The following LRRTM3 variants were observed in gnomAD, a reference collection of about 807,000 sequenced individuals.
LRRTM3 encodes leucine-rich repeat transmembrane neuronal protein 3.
In LRRTM3, 24 loss-of-function variants were observed where a neutral mutation model predicts 44.7. The ratio of observed to expected loss-of-function variants is 0.54; its 90% CI spans 0.39 to 0.76. The LOEUF is 0.76. Among genes scored for constraint, LRRTM3 ranks in the 30% least tolerant of loss-of-function variants. The probability of loss-of-function intolerance (pLI) is 0.00; values close to 1 mark genes in which losing one functional copy is unlikely to be tolerated. For synonymous variants in LRRTM3, 277 were observed against 278.7 expected, an observed-to-expected ratio of 0.99 and a Z score of 0.06; for missense variants, 587 against 702.2, an observed-to-expected ratio of 0.84 and a Z score of 1.85.
intron 2 of LRRTM3, 70 bp from the exon 3 acceptor site, chr10:67,097,517 G>A: frequency 7.2e-7 from 1 of 1,389,616 alleles, no homozygotes; most frequent in Non-Finnish European, 1.0e-6. Context: ...CAGCACTTCA[G>A]TCTCTAAATC....
rs1289496942 is a variant in LRRTM3, at chr10:67,063,027, AT to A, written c.1537-34557del. Reference sequence around the variant, plus strand: ...CTTTCCAGTGCTATGTAAGCACCTAATTTCCTAAAGTTAATTACTTCTGACT... The same window carrying A: ...CTTTCCAGTGCTATGTAAGCACCTAATTCCTAAAGTTAATTACTTCTGACT... On this transcript the variant is annotated intron_variant, in intron 2 of 2. Coordinates refer to ENST00000361320, the MANE Select transcript of LRRTM3 (RefSeq NM_178011.5). Among the ~76,000 whole-genome samples, 93 of 152,060 alleles carry A rather than the reference AT, an allele frequency of 6.1e-4. 2 individuals carry two copies. The highest frequency in any genetic ancestry group is 6.1e-3 in the Admixed American group (93 of 15,260).
chr10:66,987,869 G>A (rs10762123), intron 2 of LRRTM3, among the ~76,000 whole-genome samples: 9 of 151,898 alleles, frequency 5.9e-5, no homozygotes, highest in African/African-American at 2.2e-4. Context: ...AGTTTACAAT[G>A]AATTAAAGGA....
chr10:67,049,618 A>G (rs1007367063), intron 2 of LRRTM3, among the ~76,000 whole-genome samples: 7 of 152,160 alleles, frequency 4.6e-5, no homozygotes, highest in African/African-American at 1.7e-4. Context: ...AATAAACAAC[A>G]AAACTAAAAC....
intron 2 of LRRTM3, among the ~76,000 whole-genome samples, chr10:66,948,669 A>C (rs892365157): frequency 2.2e-4 from 34 of 152,214 alleles, no homozygotes; most frequent in African/African-American, 7.7e-4. Flanking sequence ...GGGGTGTTCT[A>C]TCCTGGACTG....
intron 2 of LRRTM3, among the ~76,000 whole-genome samples, chr10:66,976,147 T>C (rs1047201465): frequency 6.6e-6 from 1 of 152,160 alleles, no homozygotes; most frequent in Non-Finnish European, 1.5e-5. Context: ...GTAAAACATA[T>C]GTTCTTGTGA....
intron 2 of LRRTM3, among the ~76,000 whole-genome samples, chr10:67,064,717 G>A (rs1044755326): frequency 6.6e-6 from 1 of 152,106 alleles, no homozygotes; most frequent in Admixed American, 6.6e-5. Context: ...AACTGTGTGA[G>A]GTATTAATTG....
intron 2 of LRRTM3, among the ~76,000 whole-genome samples, chr10:67,011,180 T>C (rs1422985312): frequency 6.6e-6 from 1 of 151,534 alleles, no homozygotes. Context: ...ATACAAAAAA[T>C]AAATAAATAA....
Position 67,100,937 on chromosome 10 carries a change from A to G in LRRTM3, c.*3141A>G, listed in dbSNP as rs114069309. Among the ~76,000 whole-genome samples, 536 of 151,796 alleles carry G rather than the reference A, an allele frequency of 3.5e-3. 3 individuals carry two copies. The highest frequency in any genetic ancestry group is 0.012 in the African/African-American group (490 of 41,466). On this transcript the variant is annotated 3_prime_UTR_variant, in exon 3 of 3. Coordinates refer to ENST00000361320, the MANE Select transcript of LRRTM3 (RefSeq NM_178011.5). The stretch of plus-strand genomic sequence containing the variant: ...CTGATCAGAGCAAGAGAACTTCCAG[A>G]GATAATGGATAGAATGAAAGAATAT...
intron 2 of LRRTM3, among the ~76,000 whole-genome samples, chr10:66,946,235 A>G (rs1462745035): frequency 6.6e-6 from 1 of 152,052 alleles, no homozygotes; most frequent in Non-Finnish European, 1.5e-5. Context: ...ATAGAGAGGG[A>G]GAGAATTGGA....
At chr10:66,950,381 A>G (rs1848480546) in intron 2 of LRRTM3, among the ~76,000 whole-genome samples, 1 of 152,064 alleles carries the variant, frequency 6.6e-6, no homozygotes, top group Non-Finnish European at 1.5e-5. Context: ...TATCCTAAAC[A>G]TGCTTAAGGC....
At chr10:67,083,098 T>C (rs1345847638) in intron 2 of LRRTM3, among the ~76,000 whole-genome samples, 1 of 152,092 alleles carries the variant, frequency 6.6e-6, no homozygotes, top group East Asian at 1.9e-4. Context: ...AGCATCCTGG[T>C]ATAAAGACCT....
chr10:67,084,663 C>A (rs1857210655), intron 2 of LRRTM3, among the ~76,000 whole-genome samples: 2 of 151,824 alleles, frequency 1.3e-5, no homozygotes, highest in South Asian at 2.1e-4. Context: ...ACTTTGATAA[C>A]TTTTATAATG....
chr10:67,019,301 C>G (rs1320571510), intron 2 of LRRTM3, among the ~76,000 whole-genome samples: 2 of 152,198 alleles, frequency 1.3e-5, no homozygotes, highest in Admixed American at 1.3e-4. Context: ...TCACCACAAC[C>G]TCTGCCTTCC....
intron 2 of LRRTM3, among the ~76,000 whole-genome samples, chr10:67,014,844 A>T (rs1452971898): frequency 6.6e-6 from 1 of 152,140 alleles, no homozygotes; most frequent in Admixed American, 6.5e-5. Context: ...CAAGGTAGAA[A>T]AATGGTCAGA....
intron 2 of LRRTM3, among the ~76,000 whole-genome samples, chr10:66,955,140 G>T (rs1037967591): frequency 3.9e-5 from 6 of 152,054 alleles, no homozygotes; most frequent in Non-Finnish European, 8.8e-5. Flanking sequence ...TTTCCTAGGT[G>T]CCTTTGGTAT....
intron 2 of LRRTM3, among the ~76,000 whole-genome samples, chr10:66,937,963 C>T (rs975845306): frequency 1.3e-5 from 2 of 152,004 alleles, no homozygotes; most frequent in Non-Finnish European, 2.9e-5. Context: ...GTTTGTATCA[C>T]GATTTGAGGA....
chr10:66,997,209 T>C (rs1851403956), intron 2 of LRRTM3, among the ~76,000 whole-genome samples: 1 of 152,156 alleles, frequency 6.6e-6, no homozygotes, highest in African/African-American at 2.4e-5. Flanking sequence ...GAGGCCTAAT[T>C]TTCCATAGTT....
intron 2 of LRRTM3, among the ~76,000 whole-genome samples, chr10:66,992,637 G>A (rs1337557637): frequency 6.6e-6 from 1 of 151,376 alleles, no homozygotes; most frequent in Non-Finnish European, 1.5e-5. Flanking sequence ...TTTATCCCAG[G>A]GTTATAGAAC....
chr10:66,963,587 G>T (rs1490730549), intron 2 of LRRTM3, among the ~76,000 whole-genome samples: 1 of 152,136 alleles, frequency 6.6e-6, no homozygotes, highest in Non-Finnish European at 1.5e-5. Flanking sequence ...AGTTTGGGTA[G>T]AGAGGTTTAC....
Sources: gnomAD v4.1 joint callset for allele counts (sites outside exome capture counted in the v4.1 genomes callset) on GRCh38, gnomAD v4.1.1 for gene constraint, MANE v1.5 for transcripts, NCBI Gene and HGNC (gene_info 2026-07-23, HGNC 2026-07-21) for gene names.